SLC6A11: variants seen among roughly 807,000 people sequenced by gnomAD.
SLC6A11 encodes the protein sodium- and chloride-dependent GABA transporter 3.
In SLC6A11, 25 loss-of-function variants were observed where a neutral mutation model predicts 74.8. The observed-to-expected ratio is 0.33, with a 90% CI of 0.24 to 0.47. SLC6A11 has a LOEUF of 0.47. Among genes scored for constraint, SLC6A11 ranks in the 20% least tolerant of loss-of-function variants. The pLI, the probability that SLC6A11 is intolerant of heterozygous loss-of-function variation, is 1.00. For missense variants in SLC6A11, 574 were observed against 837.0 expected, an observed-to-expected ratio of 0.69 and a Z score of 3.88; for synonymous variants, 330 against 330.2, an observed-to-expected ratio of 1.00 and a Z score of 0.01.
In SLC6A11 at chr3:10,926,059, C is replaced by T. The variant is rs1273790009; in HGVS notation, c.1176C>T (p.Ser392=). 1 of 1,613,780 alleles carries T rather than the reference C, an allele frequency of 6.2e-7. No individual in the cohort carries two copies. ...AGGCGGTCACCATGATGCCTCTCTC[C>T]CCGCTGTGGGCCACCTTGTTCTTCA... ...YPKAVTMMPL[S]PLWATLFFMM... is the part of the protein sequence containing the mutation. Residue 392 remains serine (S), a synonymous_variant, in exon 9 of 14, where the codon TCC becomes TCT. Transcript: ENST00000254488. This position sits in a 1 kb window ranked among gnomAD's most constrained non-coding sequence, Gnocchi z 5.7.
intron 6 of SLC6A11, 121 bp downstream of exon 6, chr3:10,875,216 C>T (rs1694893723): frequency 1.3e-6 from 1 of 741,626 alleles, no homozygotes; most frequent in Non-Finnish European, 2.0e-6. Flanking sequence ...CCTGTGGACT[C>T]TTTCCCAGAA....
chr3:10,849,439 C>T (rs1406358942), intron 5 of SLC6A11, among the ~76,000 whole-genome samples: 1 of 152,180 alleles, frequency 6.6e-6, no homozygotes, highest in African/African-American at 2.4e-5. Flanking sequence ...CCTGAAACCA[C>T]TCAGCCATGT....
At chr3:10,850,257 G>C (rs1320185669) in intron 5 of SLC6A11, among the ~76,000 whole-genome samples, 1 of 152,126 alleles carries the variant, frequency 6.6e-6, no homozygotes, top group Non-Finnish European at 1.5e-5. Flanking sequence ...TTTTCTAAAG[G>C]ATCCTTAAAA....
chr3:10,849,807 A>C (rs866678600), intron 5 of SLC6A11, among the ~76,000 whole-genome samples: 5 of 115,602 alleles, frequency 4.3e-5, no homozygotes, highest in African/African-American at 8.0e-5. Context: ...AAAAAAAAAA[A>C]AAAAAAAAAA....
At chr3:10,847,445 C>T (rs1346398452) in intron 5 of SLC6A11, among the ~76,000 whole-genome samples, 1 of 152,182 alleles carries the variant, frequency 6.6e-6, no homozygotes, top group Non-Finnish European at 1.5e-5. Flanking sequence ...CTGGGTTTCT[C>T]CTCCATGTGT....
intron 6 of SLC6A11, among the ~76,000 whole-genome samples, chr3:10,898,760 A>G (rs1000132077): frequency 5.3e-5 from 8 of 152,016 alleles, no homozygotes; most frequent in African/African-American, 1.7e-4. Flanking sequence ...CCTGTTACCT[A>G]TTTCCAAAGT....
chr3:10,922,541 GAAAC>G (rs1695550294), intron 8 of SLC6A11, among the ~76,000 whole-genome samples: 1 of 152,138 alleles, frequency 6.6e-6, no homozygotes, highest in African/African-American at 2.4e-5. Flanking sequence ...GGATTAACTA[GAAAC>G]AAACAAGGAT....
At chr3:10,902,717 G>C (rs1449063153) in intron 6 of SLC6A11, among the ~76,000 whole-genome samples, 1 of 152,228 alleles carries the variant, frequency 6.6e-6, no homozygotes, top group Non-Finnish European at 1.5e-5. Flanking sequence ...AAAGCATGGA[G>C]CCTGGCTAGA....
chr3:10,875,157 C>A (rs966578198), intron 6 of SLC6A11, 62 bp downstream of exon 6: 3 of 1,422,464 alleles, frequency 2.1e-6, no homozygotes, highest in Non-Finnish European at 2.8e-6. Flanking sequence ...TTCTGCAGAG[C>A]CCCTGCCACT....
chr3:10,865,889 A>G (rs957100676), intron 5 of SLC6A11, among the ~76,000 whole-genome samples: 1 of 152,204 alleles, frequency 6.6e-6, no homozygotes, highest in African/African-American at 2.4e-5. Flanking sequence ...AGAAGGAAAC[A>G]GTGTGGATCA....
intron 13 of SLC6A11, chr3:10,935,451 C>T (rs117864541): frequency 0.022 from 10,433 of 471,330 alleles, 415 homozygotes; most frequent in East Asian, 0.16. Flanking sequence ...AACCACAGTA[C>T]CTAACTTACA....
intron 6 of SLC6A11, among the ~76,000 whole-genome samples, chr3:10,897,993 A>G (rs1252052782): frequency 6.6e-6 from 1 of 152,218 alleles, no homozygotes; most frequent in African/African-American, 2.4e-5. Context: ...GCTCAACACC[A>G]CGTGGAAGCT....
At chr3:10,844,175 A>T in intron 4 of SLC6A11, 39 bp from the exon 5 acceptor site, 1 of 1,613,078 alleles carries the variant, frequency 6.2e-7, no homozygotes. Flanking sequence ...AAAATGGGCC[A>T]GCCCCAGCCC....
intron 5 of SLC6A11, among the ~76,000 whole-genome samples, chr3:10,854,416 AAGAC>A (rs1694613763): frequency 6.6e-6 from 1 of 150,718 alleles, no homozygotes; most frequent in Non-Finnish European, 1.5e-5. Context: ...AATAAATAAA[AAGAC>A]AGAATTGTCT....
intron 4 of SLC6A11, among the ~76,000 whole-genome samples, chr3:10,842,824 G>T (rs905897316): frequency 4.6e-5 from 7 of 152,172 alleles, no homozygotes; most frequent in Non-Finnish European, 8.8e-5. Flanking sequence ...CACACAGTCT[G>T]ATTTTGTTTG....
At chr3:10,925,885 G>A in intron 8 of SLC6A11, 119 bp from the exon 9 acceptor site, 1 of 665,384 alleles carries the variant, frequency 1.5e-6, no homozygotes. Context: ...AGTGATTTGA[G>A]TGAGAGGCAG....
intron 6 of SLC6A11, among the ~76,000 whole-genome samples, chr3:10,903,584 C>T (rs1695266878): frequency 6.6e-6 from 1 of 152,204 alleles, no homozygotes; most frequent in South Asian, 2.1e-4. Context: ...TTGTGCCTGG[C>T]ACATGGTAGA....
At chr3:10,834,628 AAC>A (rs1316839527) in intron 4 of SLC6A11, among the ~76,000 whole-genome samples, 1 of 152,172 alleles carries the variant, frequency 6.6e-6, no homozygotes, top group Non-Finnish European at 1.5e-5. Context: ...TGCACACCCA[AAC>A]ACACACATCC....
At chr3:10,823,141 CTGTT>C (rs528889454) in intron 3 of SLC6A11, among the ~76,000 whole-genome samples, 157 bp from the exon 4 acceptor site, 3 of 152,326 alleles carry the variant, frequency 2.0e-5, no homozygotes, top group East Asian at 1.9e-4. Context: ...AGCCTCTTAA[CTGTT>C]TGTAAAGTAT....
Sources: allele counts gnomAD v4.1 joint callset (sites outside exome capture counted in the v4.1 genomes callset), GRCh38; gene constraint gnomAD v4.1.1; non-coding constraint Gnocchi (gnomAD v3.1); transcripts MANE v1.5; gene names NCBI Gene and HGNC (gene_info 2026-07-23, HGNC 2026-07-21).